SYN2: variants seen among roughly 807,000 people sequenced by gnomAD.
The protein encoded by SYN2 is synapsin II.
A neutral mutation model predicts 50.9 loss-of-function variants in SYN2; 19 were observed. The ratio of observed to expected loss-of-function variants is 0.37; its 90% CI spans 0.26 to 0.55. The LOEUF is 0.55. Ranked by LOEUF, SYN2 falls within the 20% of genes least tolerant of loss-of-function variation. The pLI, the probability that SYN2 is intolerant of heterozygous loss-of-function variation, is 0.81. For synonymous variants in SYN2, 255 were observed against 224.9 expected (o/e 1.13, Z -1.20); for missense variants, 587 against 576.4 (o/e 1.02, Z -0.19).
chr3:12,051,124 A>G lies in SYN2; in HGVS notation c.377+46196A>G, dbSNP rs558334294. Reference sequence around the variant, plus strand: ...TCTTGTTGACAGAAAGTCATTAGAAAATTCTGGATAAGAATCCTAGTCTTT... The same window carrying G: ...TCTTGTTGACAGAAAGTCATTAGAAGATTCTGGATAAGAATCCTAGTCTTT... On this transcript the variant is annotated intron_variant, in intron 1 of 12. Coordinates refer to ENST00000621198, the MANE Select transcript of SYN2 (RefSeq NM_133625.6). Among the ~76,000 whole-genome samples the G allele has an allele frequency of 3.9e-5, 6 of 152,302 alleles. No homozygotes were observed. In the South Asian group the frequency reaches 1.2e-3, roughly 32 times the overall value.
intron 1 of SYN2, among the ~76,000 whole-genome samples, chr3:12,031,920 A>G (rs1452999174): frequency 1.4e-5 from 2 of 139,132 alleles, no homozygotes; most frequent in Non-Finnish European, 3.1e-5. Context: ...TGATCCTGTC[A>G]TTATGATGTT....
chr3:12,081,413 T>C (rs1420430755), intron 1 of SYN2, among the ~76,000 whole-genome samples: 1 of 152,242 alleles, frequency 6.6e-6, no homozygotes, highest in Non-Finnish European at 1.5e-5. Flanking sequence ...GCATTCCTTA[T>C]TTTTGTGCAC....
At chr3:12,055,334 G>A (rs1694964694) in intron 1 of SYN2, among the ~76,000 whole-genome samples, 2 of 152,052 alleles carry the variant, frequency 1.3e-5, no homozygotes, top group South Asian at 2.1e-4. Flanking sequence ...ACTACATAAC[G>A]ATATTTAAGA....
chr3:12,018,352 G>A (rs1417567289), intron 1 of SYN2, among the ~76,000 whole-genome samples: 1 of 152,182 alleles, frequency 6.6e-6, no homozygotes, highest in African/African-American at 2.4e-5. Flanking sequence ...AAAGGTTTCA[G>A]GGCAGGGAAA....
rs540661383 is a variant in SYN2, at chr3:12,018,770, G to A, written c.377+13842G>A. ...CTTCATGAGATAATGTCTATGGGAG[G>A]ACTTTGCAAACTGTAACAAAAACAA... On this transcript the variant is annotated intron_variant, in intron 1 of 12. Coordinates refer to ENST00000621198, the MANE Select transcript of SYN2 (RefSeq NM_133625.6). 1.6e-3 allele frequency among the ~76,000 whole-genome samples: 238 copies of A among 152,250 alleles called. 1 individual carries two copies. Among genetic ancestry groups the A allele is most frequent in the African/African-American group, 4.7e-3 (196 of 41,544 alleles).
At chr3:12,174,456 G>GCT (rs1442945744) in intron 10 of SYN2, among the ~76,000 whole-genome samples, 5 of 151,942 alleles carry the variant, frequency 3.3e-5, no homozygotes, top group Non-Finnish European at 5.9e-5. Flanking sequence ...ATTAGGCTGT[G>GCT]CTCTCTCTCT....
chr3:12,179,526 A>AGGAAGG (rs1698174994), intron 10 of SYN2, among the ~76,000 whole-genome samples: 1 of 152,230 alleles, frequency 6.6e-6, no homozygotes, highest in East Asian at 1.9e-4. Flanking sequence ...CAGGAAGCTC[A>AGGAAGG]CTACTACCCA....
At chr3:12,102,149 A>G (rs370021652) in intron 1 of SYN2, among the ~76,000 whole-genome samples, 1 of 152,168 alleles carries the variant, frequency 6.6e-6, no homozygotes, top group East Asian at 1.9e-4. Context: ...ATTTTGGTAC[A>G]TGAAAATGGT....
chr3:12,181,871 C>T (rs1032801227), intron 10 of SYN2, among the ~76,000 whole-genome samples: 3 of 152,046 alleles, frequency 2.0e-5, no homozygotes, highest in Non-Finnish European at 4.4e-5. Context: ...AGCTGGCTTC[C>T]CGGGTATGGG....
At chr3:12,161,760 C>T (rs1283236887) in intron 6 of SYN2, 152 bp downstream of exon 6, 3 of 1,021,860 alleles carry the variant, frequency 2.9e-6, no homozygotes, top group Non-Finnish European at 4.4e-6. Context: ...GAGTGTCACC[C>T]AACCAGACCT....
intron 6 of SYN2, 188 bp downstream of exon 6, chr3:12,161,796 C>T (rs1000936206): frequency 1.1e-5 from 10 of 949,494 alleles, no homozygotes; most frequent in Admixed American, 2.3e-5. Context: ...ATGCAAGCCA[C>T]CTGCTTGGTC....
chr3:12,156,576 C>G (rs1697463448), intron 5 of SYN2, among the ~76,000 whole-genome samples: 1 of 152,164 alleles, frequency 6.6e-6, no homozygotes, highest in Non-Finnish European at 1.5e-5. Context: ...GGGTGAGCAG[C>G]CTGTCCTTAA....
intron 1 of SYN2, among the ~76,000 whole-genome samples, chr3:12,059,510 G>A (rs888146150): frequency 3.9e-5 from 6 of 152,062 alleles, no homozygotes; most frequent in Admixed American, 6.6e-5. Flanking sequence ...ACAAAGAACG[G>A]TGGTCAGAAT....
At chr3:12,140,501 G>A (rs1696989443) in intron 1 of SYN2, 150 bp from the exon 2 acceptor site, 1 of 666,576 alleles carries the variant, frequency 1.5e-6, no homozygotes, top group South Asian at 1.7e-5. Context: ...GTCTTGTGGT[G>A]ATCTCATAGC....
intron 1 of SYN2, among the ~76,000 whole-genome samples, chr3:12,097,933 A>G (rs936955228): frequency 1.3e-5 from 2 of 152,206 alleles, no homozygotes; most frequent in Admixed American, 1.3e-4. Flanking sequence ...GCAGCATACC[A>G]GCATGGCACA....
chr3:12,005,452 G>A (rs535430214), intron 1 of SYN2, among the ~76,000 whole-genome samples: 1 of 152,178 alleles, frequency 6.6e-6, no homozygotes, highest in Admixed American at 6.5e-5. Flanking sequence ...TTGACATCAG[G>A]TTGATGAAAT....
At chr3:12,105,680 T>G (rs1696170847) in intron 1 of SYN2, among the ~76,000 whole-genome samples, 1 of 151,928 alleles carries the variant, frequency 6.6e-6, no homozygotes, top group Admixed American at 6.6e-5. Context: ...TTGAAGATTT[T>G]TCTCTCTTAA....
Position 12,071,227 on chromosome 3 carries a change from G to A in SYN2, c.377+66299G>A, listed in dbSNP as rs557613877. The A allele has an allele frequency of 5.1e-5, 28 of 554,116 alleles. No individual in the cohort carries two copies. In the East Asian group the frequency reaches 8.4e-4, roughly 17 times the overall value. 34.3% of individuals were successfully genotyped at this position (554,116 alleles called of 1,614,324 possible). On this transcript the variant is annotated intron_variant, in intron 1 of 12. Coordinates refer to ENST00000621198, the MANE Select transcript of SYN2 (RefSeq NM_133625.6). ...CAGCACCATGAAGATCAAGATCATC[G>A]TGCCCCCAGAGCGCAAGTACTCTGT...
chr3:12,133,407 C>G (rs1696831979), intron 1 of SYN2, among the ~76,000 whole-genome samples: 1 of 152,174 alleles, frequency 6.6e-6, no homozygotes, highest in African/African-American at 2.4e-5. Flanking sequence ...CAATGTAAAG[C>G]CTGACTGTTT....
Sources: allele counts gnomAD v4.1 joint callset (sites outside exome capture counted in the v4.1 genomes callset), GRCh38; gene constraint gnomAD v4.1.1; transcripts MANE v1.5; gene names NCBI Gene and HGNC (gene_info 2026-07-23, HGNC 2026-07-21).